FN1: variants seen among roughly 807,000 people sequenced by gnomAD.
The protein encoded by FN1 is fibronectin.
FN1 carries 106 observed loss-of-function variants against 297.3 expected under a neutral mutation model. The ratio of observed to expected loss-of-function variants is 0.36; its 90% confidence interval spans 0.30 to 0.42. The LOEUF (loss-of-function observed/expected upper bound fraction) is 0.42. Among genes scored for constraint, FN1 ranks in the 10% least tolerant of loss-of-function variants. The pLI, the probability that FN1 is intolerant of heterozygous loss-of-function variation, is 1.00. For synonymous variants in FN1, 1,149 were observed against 1,152.6 expected, an observed-to-expected ratio of 1.00 and a Z score of 0.06; for missense variants, 2,690 against 3,124.9, an observed-to-expected ratio of 0.86 and a Z score of 3.32.
At chr2:215,412,760 CTTTTTTTTT>C (rs10524797) in intron 13 of FN1, among the ~76,000 whole-genome samples, 1 of 97,568 alleles carries the variant, frequency 1.0e-5, no homozygotes, top group Non-Finnish European at 2.0e-5. Flanking sequence ...TATTAAGTAT[CTTTTTTTTT>C]TTTTTTTTTT....
intron 27 of FN1, 51 bp from the exon 28 acceptor site, chr2:215,387,009 C>T: frequency 6.5e-7 from 1 of 1,533,324 alleles, no homozygotes; most frequent in Non-Finnish European, 8.9e-7. Context: ...AAAGACACCA[C>T]CAGTTTAGGA....
chr2:215,365,410 A>T (rs2054331170), intron 43 of FN1, 95 bp downstream of exon 43: 2 of 1,328,806 alleles, frequency 1.5e-6, no homozygotes, highest in Admixed American at 1.7e-5. Flanking sequence ...AAGGAGACCT[A>T]AAGTCTCCAA....
At chr2:215,387,065 T>C in intron 27 of FN1, 107 bp from the exon 28 acceptor site, 3 of 955,276 alleles carry the variant, frequency 3.1e-6, no homozygotes, top group South Asian at 3.2e-5. Flanking sequence ...AACATTTCGT[T>C]CCTGTCTCAT....
chr2:215,366,955 A>G (rs569008885), intron 42 of FN1, among the ~76,000 whole-genome samples: 6 of 152,344 alleles, frequency 3.9e-5, no homozygotes, highest in African/African-American at 1.2e-4. Context: ...GGAAGTCTAT[A>G]TTGAAAACAC....
At chr2:215,389,275 T>C (rs1575460165) in intron 26 of FN1, among the ~76,000 whole-genome samples, 1 of 152,046 alleles carries the variant, frequency 6.6e-6, no homozygotes, top group South Asian at 2.1e-4. Flanking sequence ...GGCTAATTTT[T>C]GTATTTTTAA....
intron 41 of FN1, 113 bp downstream of exon 41, chr2:215,370,181 A>G (rs2055585248): frequency 2.8e-6 from 3 of 1,083,006 alleles, no homozygotes; most frequent in Admixed American, 3.5e-5. Flanking sequence ...GATGTGTTGC[A>G]TTAAATCCCA....
rs1174994144 is a variant in FN1, at chr2:215,370,543, AAAACAAAAAAC to A, written c.6715-122_6715-112del. ...GTTTAAACAAAGCAAAGGAAGACAA[AAAACAAAAAAC>A]AAAAAAAAAAAAAAGAGGGAGGGTA... On this transcript the variant is annotated intron_variant, in intron 40 of 45. Transcript: ENST00000354785. The A allele has an allele frequency of 1.9e-3, 944 of 503,586 alleles. 5 individuals are homozygous for A. The highest frequency in any genetic ancestry group is 6.8e-3 in the South Asian group (215 of 31,476). 31.2% of individuals were successfully genotyped at this position (503,586 alleles called of 1,614,324 possible).
At chr2:215,425,441 G>A (rs914181841) in intron 6 of FN1, among the ~76,000 whole-genome samples, 156 bp from the exon 7 acceptor site, 1 of 152,214 alleles carries the variant, frequency 6.6e-6, no homozygotes, top group Non-Finnish European at 1.5e-5. Flanking sequence ...TTCAGCAGTA[G>A]CTTTTGCATT....
At chr2:215,401,238 G>GGC (rs2061040535) in intron 20 of FN1, among the ~76,000 whole-genome samples, 1 of 55,090 alleles carries the variant, frequency 1.8e-5, no homozygotes. Flanking sequence ...AAGAAAGAAA[G>GGC]AAAGAAAGAA....
intron 45 of FN1, 62 bp from the exon 46 acceptor site, chr2:215,361,688 A>C: frequency 7.6e-7 from 1 of 1,313,222 alleles, no homozygotes; most frequent in Non-Finnish European, 1.1e-6. Flanking sequence ...TACAGAAAAA[A>C]AAATGCGGGG....
At chr2:215,434,301 C>T (rs753456281) in intron 2 of FN1, among the ~76,000 whole-genome samples, 2 of 152,154 alleles carry the variant, frequency 1.3e-5, no homozygotes, top group Admixed American at 6.5e-5. Flanking sequence ...TGTTAACTGC[C>T]GCTGACAAAT....
chr2:215,417,813 A>T (rs2063659060), intron 12 of FN1, among the ~76,000 whole-genome samples: 1 of 152,174 alleles, frequency 6.6e-6, no homozygotes, highest in Non-Finnish European at 1.5e-5. Context: ...TCCAGATTTT[A>T]TCTCCAACAT....
intron 26 of FN1, among the ~76,000 whole-genome samples, chr2:215,388,794 A>G (rs1446334717): frequency 4.6e-5 from 7 of 152,190 alleles, no homozygotes; most frequent in Admixed American, 2.0e-4. Flanking sequence ...CCATCACCGC[A>G]TTCAAGAAAT....
chr2:215,409,899 G>C (rs367748772), intron 14 of FN1, 35 bp downstream of exon 14: 3 of 1,612,114 alleles, frequency 1.9e-6, no homozygotes, highest in Non-Finnish European at 2.5e-6. Flanking sequence ...TAGGAACCTC[G>C]GGGGTAGGAG....
chr2:215,376,470 A>G (rs1283228772), intron 36 of FN1, 28 bp downstream of exon 36: 10 of 1,602,914 alleles, frequency 6.2e-6, no homozygotes, highest in Non-Finnish European at 8.5e-6. Flanking sequence ...TTGTTAACAA[A>G]TGTGGTTAGT....
chr2:215,395,996 C>A lies in FN1; in HGVS notation c.3604+1141G>T, dbSNP rs114299299. Among the ~76,000 whole-genome samples the A allele has an allele frequency of 9.8e-3, 1,499 of 152,260 alleles. 29 individuals carry two copies. Among genetic ancestry groups the A allele is most frequent in the African/African-American group, 0.034 (1,407 of 41,544 alleles). On this transcript the variant is annotated intron_variant, in intron 23 of 45. Coordinates refer to ENST00000354785, the MANE Select transcript of FN1 (RefSeq NM_212482.4). ...GTTTCCGCAGATAATGAAAACTTTACCAAAATCACTCTACTTCAGAGGGAG... is the reference window on the plus strand; with the variant it reads ...GTTTCCGCAGATAATGAAAACTTTAACAAAATCACTCTACTTCAGAGGGAG...
intron 23 of FN1, among the ~76,000 whole-genome samples, chr2:215,396,601 C>T (rs1446478847): frequency 6.6e-6 from 1 of 151,918 alleles, no homozygotes. Flanking sequence ...AGTTACAATC[C>T]CAGTTTTGTA....
At chr2:215,423,270 G>C in intron 9 of FN1, 80 bp downstream of exon 9, 2 of 1,428,184 alleles carry the variant, frequency 1.4e-6, no homozygotes, top group Non-Finnish European at 2.0e-6. Flanking sequence ...AATGAAATGG[G>C]AGTAAACTGG....
At position 215,401,259 on chromosome 2, in the gene FN1, A is replaced by AAAGAAAGGAAGGAAGG. The variant is rs1187788957; in HGVS notation, c.3254-1909_3254-1908insCCTTCCTTCCTTTCTT. On this transcript the variant is annotated intron_variant, in intron 20 of 45. Coordinates refer to ENST00000354785, the MANE Select transcript of FN1 (RefSeq NM_212482.4). ...GAAAGAAAGAAAGAAAGGAAGAAAG[A>AAAGAAAGGAAGGAAGG]AAGGAAGGAAAGGAAAGGAAAGGAA... Among the ~76,000 whole-genome samples the AAAGAAAGGAAGGAAGG allele has an allele frequency of 6.1e-5, 5 of 81,748 alleles. 1 individual carries two copies. Among genetic ancestry groups the AAAGAAAGGAAGGAAGG allele is most frequent in the African/African-American group, 9.7e-5 (2 of 20,700 alleles). The allele number at this position is 81,748 out of a possible 152,430, so 53.6% of individuals were successfully genotyped here.
Sources: allele counts gnomAD v4.1 joint callset (sites outside exome capture counted in the v4.1 genomes callset), GRCh38; gene constraint gnomAD v4.1.1; transcripts MANE v1.5; gene names NCBI Gene and HGNC (gene_info 2026-07-23, HGNC 2026-07-21).